The following PALS1 variants were observed in gnomAD, a reference collection of about 807,000 sequenced individuals.
PALS1 encodes the protein protein associated with LIN7 1, MAGUK p55 family member, also known as protein PALS1.
PALS1 carries 31 observed loss-of-function variants against 78.9 expected under a neutral mutation model. The ratio of observed to expected loss-of-function variants is 0.39; its 90% CI spans 0.30 to 0.53. The LOEUF is 0.53. Ranked by LOEUF, PALS1 falls within the 20% of genes least tolerant of loss-of-function variation. The pLI is 0.67. For synonymous variants in PALS1, 276 were observed against 270.9 expected (o/e 1.02, Z -0.18); for missense variants, 704 against 826.5 (o/e 0.85, Z 1.82).
chr14:67,253,718 G>A (rs2084098753), intron 1 of PALS1, among the ~76,000 whole-genome samples: 1 of 151,910 alleles, frequency 6.6e-6, no homozygotes. Context: ...TTGCATTCCT[G>A]TAGTCCCAGC....
intron 1 of PALS1, among the ~76,000 whole-genome samples, chr14:67,245,067 T>C (rs2083967920): frequency 6.6e-6 from 1 of 152,208 alleles, no homozygotes; most frequent in African/African-American, 2.4e-5. Flanking sequence ...GTCTAGAATC[T>C]TGAAGAGGCT....
chr14:67,313,440 A>C (rs1170234748), intron 9 of PALS1, among the ~76,000 whole-genome samples: 1 of 152,136 alleles, frequency 6.6e-6, no homozygotes, highest in Non-Finnish European at 1.5e-5. Context: ...AACCACCATC[A>C]TATATATGGT....
chr14:67,247,314 A>G (rs1359679303), intron 1 of PALS1, among the ~76,000 whole-genome samples: 1 of 152,196 alleles, frequency 6.6e-6, no homozygotes. Flanking sequence ...ATCAGATTCC[A>G]GTTGATCACT....
chr14:67,314,053 G>A (rs1404540692), intron 9 of PALS1, among the ~76,000 whole-genome samples: 2 of 151,248 alleles, frequency 1.3e-5, no homozygotes, highest in East Asian at 3.9e-4. Context: ...ATGTTTTTCT[G>A]GCCTTATCTT....
chr14:67,323,835 C>A, intron 14 of PALS1, 23 bp downstream of exon 14: 1 of 1,235,392 alleles, frequency 8.1e-7, no homozygotes, highest in Non-Finnish European at 1.2e-6. Flanking sequence ...CACTATTGTA[C>A]TATTCCATTG....
At chr14:67,312,054 A>C (rs1206395415) in intron 8 of PALS1, 2 of 152,642 alleles carry the variant, frequency 1.3e-5, no homozygotes, top group South Asian at 4.1e-4. Flanking sequence ...TGGAAATTGC[A>C]TACCTTATTG....
At position 67,317,436 on chromosome 14, in the gene PALS1, AAAG is replaced by A; in HGVS notation, c.1331_1333del (p.Lys444del). The A allele has an allele frequency of 1.2e-6, 2 of 1,612,530 alleles. No individual in the cohort carries two copies. Among genetic ancestry groups the A allele is most frequent in the Non-Finnish European group, 1.7e-6 (2 of 1,178,976 alleles). On this transcript the variant is annotated inframe_deletion, in exon 11 of 15. Coordinates refer to ENST00000261681, the MANE Select transcript of PALS1 (RefSeq NM_022474.4). Reference sequence around the variant, plus strand: ...AACTGTGGTGTGCAAAGAAGAATAAAAAGAAGAGGAAAAAGGTTTTATATAATG... The same window carrying A: ...AACTGTGGTGTGCAAAGAAGAATAAAAAGAGGAAAAAGGTTTTATATAATG...
intron 1 of PALS1, among the ~76,000 whole-genome samples, chr14:67,251,400 G>T (rs2084061135): frequency 6.6e-6 from 1 of 152,132 alleles, no homozygotes; most frequent in Non-Finnish European, 1.5e-5. Flanking sequence ...GGACTTGGTG[G>T]TGTGTGCCTG....
chr14:67,269,541 G>C (rs1010286393), intron 1 of PALS1, among the ~76,000 whole-genome samples, 160 bp from the exon 2 acceptor site: 1 of 152,126 alleles, frequency 6.6e-6, no homozygotes, highest in African/African-American at 2.4e-5. Context: ...ATTAGATACA[G>C]GGGTCATGGT....
At chr14:67,303,447 G>A (rs2084957392) in intron 7 of PALS1, 75 bp from the exon 8 acceptor site, 23 of 1,185,788 alleles carry the variant, frequency 1.9e-5, no homozygotes, top group Non-Finnish European at 2.9e-5. Flanking sequence ...CCAGTTTAGG[G>A]AATATAGATC....
At chr14:67,282,325 C>A (rs968311318) in intron 3 of PALS1, among the ~76,000 whole-genome samples, 6 of 152,090 alleles carry the variant, frequency 3.9e-5, no homozygotes, top group Non-Finnish European at 4.4e-5. Context: ...ACTTCTCAGC[C>A]TTTTTCACAT....
At position 67,303,599 on chromosome 14, in the gene PALS1, AG is replaced by A; in HGVS notation, c.1041+1del. 6.2e-7 allele frequency: 1 copy of A among 1,609,678 alleles called. No individual in the cohort carries two copies. Among genetic ancestry groups the A allele is most frequent in the Non-Finnish European group, 8.5e-7 (1 of 1,175,992 alleles). On this transcript the variant is annotated splice_donor_variant, in intron 8 of 14. Transcript: ENST00000261681. LOFTEE classifies it high-confidence loss of function. ...AGCCGCCTCCTGCCAAGGAAACAGTAGTAAGTGATTTTTAAATGTTCATTAT... is the reference window on the plus strand; with the variant it reads ...AGCCGCCTCCTGCCAAGGAAACAGTATAAGTGATTTTTAAATGTTCATTAT...
In PALS1 at chr14:67,292,692, C is replaced by T. The variant is rs777505842; in HGVS notation, c.549C>T (p.Ile183=). The stretch of plus-strand genomic sequence containing the variant: ...AGGCCAGTCCTCCATTTCCTCTTAT[C>T]TCCAACGCACAAGATCTTGCTCAAG... ...MNKASPPFPL[I]SNAQDLAQEV... is the part of the protein sequence containing the mutation. Residue 183 remains isoleucine (I), a synonymous_variant, in exon 4 of 15, where the codon ATC becomes ATT. Coordinates refer to ENST00000261681, the MANE Select transcript of PALS1 (RefSeq NM_022474.4). The T allele has an allele frequency of 6.2e-7, 1 of 1,613,496 alleles. No individual in the cohort carries two copies. The highest frequency in any genetic ancestry group is 2.2e-5 in the East Asian group (1 of 44,810).
At position 67,332,900 on chromosome 14, in the gene PALS1, T is replaced by C. The variant is rs1181955190; in HGVS notation, c.1972T>C (p.Leu658=). The C allele has an allele frequency of 3.7e-6, 6 of 1,613,832 alleles. No individual in the cohort carries two copies. Among genetic ancestry groups the C allele is most frequent in the Non-Finnish European group, 4.2e-6 (5 of 1,179,912 alleles). ...LDKAYQELLR[L]INKLDTEPQW... ...TAAAGCCTATCAGGAATTGCTTAGG[T>C]TAATTAACAAACTTGATACTGAACC... is the stretch of plus-strand genomic sequence containing the variant. Residue 658 remains leucine (L), a synonymous_variant, in exon 15 of 15, where the codon TTA becomes CTA. Transcript: ENST00000261681.
chr14:67,300,336 C>CTT (rs36091817), intron 4 of PALS1, among the ~76,000 whole-genome samples: 22,301 of 139,164 alleles, frequency 0.16, 3,599 homozygotes, highest in East Asian at 0.42. Flanking sequence ...TATGAATTAC[C>CTT]TTTTTTTTTT....
intron 3 of PALS1, among the ~76,000 whole-genome samples, chr14:67,284,675 C>T (rs982055826): frequency 6.8e-6 from 1 of 147,108 alleles, no homozygotes; most frequent in African/African-American, 2.5e-5. Flanking sequence ...TGGCCCTTGA[C>T]AACCACGAAT....
At chr14:67,321,006 G>A (rs2085254903) in intron 12 of PALS1, 51 bp from the exon 13 acceptor site, 1 of 1,479,912 alleles carries the variant, frequency 6.8e-7, no homozygotes, top group Non-Finnish European at 9.4e-7. Context: ...ATTATCCCCT[G>A]TCCTCACTCT....
At chr14:67,327,951 A>C (rs1452205651) in intron 14 of PALS1, among the ~76,000 whole-genome samples, 1 of 152,182 alleles carries the variant, frequency 6.6e-6, no homozygotes, top group Non-Finnish European at 1.5e-5. Context: ...GTACGTGTGC[A>C]TGTGTCTTTA....
chr14:67,291,071 G>C (rs1190145930), intron 3 of PALS1, among the ~76,000 whole-genome samples: 2 of 152,084 alleles, frequency 1.3e-5, no homozygotes, highest in Admixed American at 1.3e-4. Flanking sequence ...GGAAAAGCAG[G>C]GGGGTCGGAG....
Sources: allele counts gnomAD v4.1 joint callset (sites outside exome capture counted in the v4.1 genomes callset), GRCh38; gene constraint gnomAD v4.1.1; transcripts MANE v1.5; gene names NCBI Gene and HGNC (gene_info 2026-07-23, HGNC 2026-07-21).